The following AARS1 variants were observed in gnomAD, a reference collection of about 807,000 sequenced individuals.
The protein encoded by AARS1 is alanyl-tRNA synthetase 1.
Under a neutral mutation model 108.9 loss-of-function variants are expected in AARS1, and 72 were observed. The ratio of observed to expected loss-of-function variants is 0.66; its 90% CI spans 0.55 to 0.80. The LOEUF is 0.80. Ranked by LOEUF, AARS1 falls within the 30% of genes least tolerant of loss-of-function variation. The pLI, the probability that AARS1 is intolerant of heterozygous loss-of-function variation, is 0.00. For missense variants in AARS1, 1,193 were observed against 1,233.2 expected, an observed-to-expected ratio of 0.97 and a Z score of 0.49; for synonymous variants, 489 against 465.7, an observed-to-expected ratio of 1.05 and a Z score of -0.64.
chr16:70,262,019 A>G (rs1295516197), intron 12 of AARS1, among the ~76,000 whole-genome samples: 1 of 152,142 alleles, frequency 6.6e-6, no homozygotes, highest in Non-Finnish European at 1.5e-5. Context: ...GCCTAGGGAG[A>G]CAAAGTAACT....
At position 70,261,099 on chromosome 16, in the gene AARS1, C is replaced by A; in HGVS notation, c.1730G>T (p.Gly577Val). The change falls in exon 13 of 21, where the codon GGA becomes GTA. Residue 577 changes from glycine (G) to valine (V), a missense_variant. By Grantham distance (109) the Gly-to-Val change is moderately radical (BLOSUM62 -3). Transcript: ENST00000261772. Reference protein sequence around the residue: ...QVRGGYVLHIGTIYGDLKVGD... With the variant: ...QVRGGYVLHIVTIYGDLKVGD... ...CACTTTCAGGTCACCGTAGATGGTT[C>A]CAATGTGTAGCACATACCCTCCTCG... is the stretch of plus-strand genomic sequence containing the variant. The A allele has an allele frequency of 6.2e-7, 1 of 1,613,914 alleles. No homozygotes were observed. The highest frequency in any genetic ancestry group is 8.5e-7 in the Non-Finnish European group (1 of 1,179,870).
intron 2 of AARS1, among the ~76,000 whole-genome samples, chr16:70,279,078 G>A (rs1245095341): frequency 1.3e-5 from 2 of 152,172 alleles, no homozygotes; most frequent in Admixed American, 6.6e-5. Context: ...AAGGCCGGGC[G>A]TGGTGGCTCA....
rs1187604406 is a variant in AARS1, at chr16:70,269,730, C to T, written c.850G>A (p.Gly284Ser). 1 of 1,614,150 alleles carries T rather than the reference C, an allele frequency of 6.2e-7. No homozygotes were observed. Among genetic ancestry groups the T allele is most frequent in the African/African-American group, 1.3e-5 (1 of 75,046 alleles). ...TCAATCCCATCGGCATCCTCAGCAC[C>T]AACTTTCCCAGTGTATGGTCGGGCA... is the stretch of plus-strand genomic sequence containing the variant. ...TGARPYTGKV[G>S]AEDADGIDMA... The change falls in exon 7 of 21, where the codon GGT becomes AGT. Residue 284 changes from glycine to serine, a missense_variant. By Grantham distance (56) the Gly-to-Ser change is moderately conservative. Transcript: ENST00000261772.
rs367724103 is a variant in AARS1 at position 70,266,270 on chromosome 16, C to T, written c.1223-608G>A. Among the ~76,000 whole-genome samples the T allele has an allele frequency of 1.9e-4, 29 of 151,578 alleles. No individual in the cohort carries two copies. In the South Asian group the frequency reaches 4.2e-3, roughly 22 times the overall value. On this transcript the variant is annotated intron_variant, in intron 9 of 20. Transcript: ENST00000261772. ...TGGAGCTTGCAGTGAGCCGAGATAGCGCCACTGCACTCCAGCCTGGGCGAC... is the reference window on the plus strand; with the variant it reads ...TGGAGCTTGCAGTGAGCCGAGATAGTGCCACTGCACTCCAGCCTGGGCGAC...
chr16:70,273,659 G>A (rs759222250), intron 4 of AARS1, among the ~76,000 whole-genome samples: 7 of 151,744 alleles, frequency 4.6e-5, no homozygotes, highest in East Asian at 2.0e-4. Flanking sequence ...TCATGAGATC[G>A]AGACCATCCT....
At chr16:70,273,863 CA>C (rs71385651) in intron 4 of AARS1, among the ~76,000 whole-genome samples, 123 of 54,236 alleles carry the variant, frequency 2.3e-3, no homozygotes, top group Non-Finnish European at 2.9e-3. Flanking sequence ...ACTCCGTCTC[CA>C]AAAAAAAAAA....
chr16:70,253,397 G>C lies in AARS1; in HGVS notation c.2608-16C>G, dbSNP rs371163247. ...CATTCAGGGCCTGTGGGGAGGACCT[G>C]GCTCAGGCCACGGTGCTGGAGCAGG... On this transcript the variant is annotated splice_polypyrimidine_tract_variant and intron_variant, in intron 19 of 20. Coordinates refer to ENST00000261772, the MANE Select transcript of AARS1 (RefSeq NM_001605.3). The C allele has an allele frequency of 2.6e-5, 41 of 1,594,816 alleles. No homozygotes were observed. Among genetic ancestry groups the C allele is most frequent in the Middle Eastern group, 1.7e-4 (1 of 6,038 alleles).
At chr16:70,272,283 T>A (rs112984536) in intron 4 of AARS1, among the ~76,000 whole-genome samples, 2 of 151,968 alleles carry the variant, frequency 1.3e-5, no homozygotes, top group Non-Finnish European at 2.9e-5. Context: ...GGCGGGCGGA[T>A]CACCTGAGGT....
At chr16:70,277,254 T>A in intron 2 of AARS1, 100 bp from the exon 3 acceptor site, 1 of 1,245,908 alleles carries the variant, frequency 8.0e-7, no homozygotes, top group South Asian at 1.2e-5. Flanking sequence ...ACTGTGCAGT[T>A]CATGATTAAC....
At chr16:70,282,473 G>A in intron 2 of AARS1, 147 bp downstream of exon 2, 1 of 948,098 alleles carries the variant, frequency 1.1e-6, no homozygotes. Flanking sequence ...ATTTTGCAAA[G>A]AAACTGAGGC....
intron 1 of AARS1, among the ~76,000 whole-genome samples, chr16:70,286,406 T>C (rs183534390): frequency 9.6e-4 from 144 of 149,328 alleles, no homozygotes; most frequent in African/African-American, 3.4e-3. Flanking sequence ...TCTCCCTCTC[T>C]GTCACCCAGG....
intron 1 of AARS1, among the ~76,000 whole-genome samples, chr16:70,287,254 CAAAAAA>C (rs71151181): frequency 1.3e-4 from 5 of 39,430 alleles, no homozygotes; most frequent in Non-Finnish European, 2.3e-4. Flanking sequence ...GACTCCGTCT[CAAAAAA>C]AAAAAAAAAA....
chr16:70,272,780 G>GC (rs937060310), intron 4 of AARS1, among the ~76,000 whole-genome samples: 1 of 151,280 alleles, frequency 6.6e-6, no homozygotes, highest in African/African-American at 2.4e-5. Context: ...AAATTAGCTG[G>GC]GGGGGTGATG....
intron 12 of AARS1, 100 bp downstream of exon 12, chr16:70,262,246 T>G: frequency 7.0e-7 from 1 of 1,421,900 alleles, no homozygotes; most frequent in Non-Finnish European, 9.9e-7. Context: ...CAAAGGTGTG[T>G]CAGGTCTGCT....
chr16:70,254,109 C>A (rs1959918940), intron 17 of AARS1, 71 bp from the exon 18 acceptor site: 13 of 1,602,900 alleles, frequency 8.1e-6, no homozygotes, highest in Non-Finnish European at 1.0e-5. Flanking sequence ...GCCCACCCCA[C>A]CCGAACCCAA....
chr16:70,254,117 C>G (rs1376619088), intron 17 of AARS1, 79 bp from the exon 18 acceptor site: 4 of 1,587,996 alleles, frequency 2.5e-6, no homozygotes, highest in Non-Finnish European at 3.4e-6. Context: ...CACCCGAACC[C>G]AAGTCCTCCC....
chr16:70,253,329 G>A lies in AARS1; in HGVS notation c.2660C>T (p.Ala887Val). The change falls in exon 20 of 21, where the codon GCC becomes GTC. Residue 887 changes from alanine to valine, a missense_variant. Transcript: ENST00000261772. ...CTCATTGTCCACCGTGAAGAGCATG[G>A]CAGAAGTCTGAGGGGAGTGCATCTT... is the stretch of plus-strand genomic sequence containing the variant. ...LFKMHSPQTS[A>V]MLFTVDNEAG... 1 of 1,614,204 alleles carries A rather than the reference G, an allele frequency of 6.2e-7. No homozygotes were observed.
rs548335940 is a variant in AARS1, at chr16:70,269,453, G to T, written c.962+165C>A. Among the ~76,000 whole-genome samples, 639 of 150,242 alleles carry T rather than the reference G, an allele frequency of 4.3e-3. 4 individuals are homozygous for T. Among genetic ancestry groups the T allele is most frequent in the Middle Eastern group, 6.8e-3 (2 of 292 alleles). ...GTGGGAGGCTGAGGCAGAATCACTT[G>T]AACCCAGCAGGCAGAGGTTGCAGTG... On this transcript the variant is annotated intron_variant, in intron 7 of 20. Coordinates refer to ENST00000261772, the MANE Select transcript of AARS1 (RefSeq NM_001605.3).
intron 9 of AARS1, 33 bp downstream of exon 9, chr16:70,267,626 C>T: frequency 6.2e-7 from 1 of 1,613,926 alleles, no homozygotes; most frequent in Non-Finnish European, 8.5e-7. Context: ...GATCAAACGG[C>T]CAGGATGGAG....
Sources: allele counts gnomAD v4.1 joint callset (sites outside exome capture counted in the v4.1 genomes callset), GRCh38; gene constraint gnomAD v4.1.1; transcripts MANE v1.5; gene names NCBI Gene and HGNC (gene_info 2026-07-23, HGNC 2026-07-21).